CHN1: variants seen among roughly 807,000 people sequenced by gnomAD.
CHN1 encodes the protein N-chimaerin.
A neutral mutation model predicts 59.5 loss-of-function variants in CHN1; 37 were observed. That is an observed-to-expected ratio of 0.62 (90% confidence interval 0.48 to 0.82). CHN1 has a LOEUF of 0.82. CHN1 is among the 40% of genes least tolerant of loss of function. The probability of loss-of-function intolerance (pLI) is 0.00; values close to 1 mark genes in which losing one functional copy is unlikely to be tolerated. For missense variants in CHN1, 469 were observed against 571.0 expected (o/e 0.82, Z 1.82); for synonymous variants, 206 against 200.4 (o/e 1.03, Z -0.24).
chr2:174,956,383 A>C (rs1690204234), intron 1 of CHN1, among the ~76,000 whole-genome samples: 1 of 152,220 alleles, frequency 6.6e-6, no homozygotes, highest in African/African-American at 2.4e-5. Flanking sequence ...TGTAAGTCAG[A>C]AACTCAAATC....
intron 5 of CHN1, among the ~76,000 whole-genome samples, chr2:174,887,146 C>T (rs1156696171): frequency 1.3e-5 from 2 of 152,104 alleles, no homozygotes; most frequent in African/African-American, 2.4e-5. Flanking sequence ...GGCGATTCTT[C>T]TTATCAGACT....
At chr2:174,971,280 T>C (rs1337928162) in intron 1 of CHN1, among the ~76,000 whole-genome samples, 1 of 152,218 alleles carries the variant, frequency 6.6e-6, no homozygotes, top group African/African-American at 2.4e-5. Context: ...ATCGTGCCAC[T>C]GCACTCCAGC....
At chr2:174,852,160 G>A (rs1686753129) in intron 6 of CHN1, among the ~76,000 whole-genome samples, 1 of 151,814 alleles carries the variant, frequency 6.6e-6, no homozygotes, top group Non-Finnish European at 1.5e-5. Context: ...GTGGTGGCAG[G>A]CACCTGTAAC....
chr2:174,960,122 G>A (rs1690350655), intron 1 of CHN1, among the ~76,000 whole-genome samples: 1 of 152,158 alleles, frequency 6.6e-6, no homozygotes, highest in African/African-American at 2.4e-5. Context: ...TAAATTTCCT[G>A]CTGATTAATA....
At chr2:174,844,367 T>C (rs1245118252) in intron 7 of CHN1, among the ~76,000 whole-genome samples, 1 of 152,170 alleles carries the variant, frequency 6.6e-6, no homozygotes, top group Admixed American at 6.5e-5. Context: ...TCACCAAAGG[T>C]AGAAGGCATT....
intron 5 of CHN1, among the ~76,000 whole-genome samples, chr2:174,902,434 A>G (rs1166100775): frequency 6.6e-6 from 1 of 152,174 alleles, no homozygotes; most frequent in Admixed American, 6.5e-5. Context: ...TTTTAAATAA[A>G]TTGTGCTATC....
chr2:174,947,737 G>T (rs1282799824), intron 2 of CHN1, among the ~76,000 whole-genome samples: 1 of 151,914 alleles, frequency 6.6e-6, no homozygotes, highest in Non-Finnish European at 1.5e-5. Flanking sequence ...TCCCACCTTG[G>T]CTTCTTAAAA....
chr2:174,922,310 T>C (rs942353421), intron 3 of CHN1, among the ~76,000 whole-genome samples: 4 of 152,236 alleles, frequency 2.6e-5, no homozygotes, highest in African/African-American at 9.6e-5. Context: ...AAATGCTCAG[T>C]ATTTACTCTA....
At chr2:174,821,131 G>A (rs2105397068) in intron 8 of CHN1, among the ~76,000 whole-genome samples, 1 of 152,246 alleles carries the variant, frequency 6.6e-6, no homozygotes, top group East Asian at 1.9e-4. Context: ...GAAACATCAA[G>A]CATATATTAT....
In CHN1 at chr2:175,004,919, G is replaced by A. The variant is rs1192252138; in HGVS notation, c.-7C>T. 2.0e-6 allele frequency: 3 copies of A among 1,535,786 alleles called. No individual in the cohort carries two copies. The highest frequency in any genetic ancestry group is 1.2e-5 in the South Asian group (1 of 82,616). On this transcript the variant is annotated 5_prime_UTR_variant, in exon 1 of 13. Transcript: ENST00000409900. ...CAAACAGGGTCAGGGCCATTGTAAAGGCGCTCGCCGCCGCCCGCGAGTCCA... is the reference window on the plus strand; with the variant it reads ...CAAACAGGGTCAGGGCCATTGTAAAAGCGCTCGCCGCCGCCCGCGAGTCCA...
rs375654474 is a variant in CHN1 at position 174,938,246 on chromosome 2, A to G, written c.114+6642T>C. The stretch of plus-strand genomic sequence containing the variant: ...TCTCAATAATCTTTAGTTCTTCCAA[A>G]CCAATCACTAATCATTTCATCAAGC... On this transcript the variant is annotated intron_variant, in intron 3 of 12. Transcript: ENST00000409900. 5.9e-5 allele frequency among the ~76,000 whole-genome samples: 9 copies of G among 152,262 alleles called. No individual in the cohort carries two copies. In the East Asian group the frequency reaches 9.6e-4, roughly 16 times the overall value.
intron 1 of CHN1, among the ~76,000 whole-genome samples, chr2:174,999,636 T>C (rs1213299544): frequency 2.6e-5 from 4 of 152,228 alleles, no homozygotes; most frequent in African/African-American, 9.6e-5. Context: ...ATAAAACATG[T>C]ATTCTCAATG....
chr2:174,934,190 C>T (rs919516119), intron 3 of CHN1, among the ~76,000 whole-genome samples: 2 of 152,134 alleles, frequency 1.3e-5, no homozygotes, highest in African/African-American at 4.8e-5. Context: ...AATTATACAA[C>T]TCACCATAAT....
chr2:174,816,120 T>TA (rs1466872405), intron 8 of CHN1, among the ~76,000 whole-genome samples: 4 of 137,444 alleles, frequency 2.9e-5, no homozygotes, highest in Admixed American at 8.4e-5. Flanking sequence ...GCATAGATGA[T>TA]AGAGTTCTCA....
chr2:174,847,144 A>G (rs1441164141), intron 6 of CHN1, 187 bp from the exon 7 acceptor site: 2 of 1,545,916 alleles, frequency 1.3e-6, no homozygotes, highest in Non-Finnish European at 1.7e-6. Context: ...TGGAATTCAC[A>G]AGGAAAGAAA....
At chr2:174,961,484 G>A (rs953721680) in intron 1 of CHN1, among the ~76,000 whole-genome samples, 9 of 151,638 alleles carry the variant, frequency 5.9e-5, no homozygotes, top group African/African-American at 1.5e-4. Context: ...CCAGCTACTC[G>A]GGAGGCTGAG....
intron 7 of CHN1, among the ~76,000 whole-genome samples, chr2:174,845,638 G>C (rs570806556): frequency 3.9e-5 from 6 of 152,120 alleles, no homozygotes; most frequent in African/African-American, 1.4e-4. Context: ...ACGTTATTTA[G>C]TTTATTTTAA....
At chr2:174,833,307 C>T (rs1253864948) in intron 7 of CHN1, among the ~76,000 whole-genome samples, 2 of 152,168 alleles carry the variant, frequency 1.3e-5, no homozygotes, top group Non-Finnish European at 2.9e-5. Context: ...TTACATTCTT[C>T]ATTCCCAATA....
At chr2:174,831,993 T>G (rs1023075297) in intron 7 of CHN1, among the ~76,000 whole-genome samples, 1 of 152,152 alleles carries the variant, frequency 6.6e-6, no homozygotes, top group Admixed American at 6.5e-5. Context: ...GATAGGTAAC[T>G]GAACACTGAC....
Sources: allele counts gnomAD v4.1 joint callset (sites outside exome capture counted in the v4.1 genomes callset), GRCh38; gene constraint gnomAD v4.1.1; transcripts MANE v1.5; gene names NCBI Gene and HGNC (gene_info 2026-07-23, HGNC 2026-07-21).